ACVR1: variants seen among roughly 807,000 people sequenced by gnomAD.
The protein encoded by ACVR1 is activin receptor type-1.
A neutral mutation model predicts 57.1 loss-of-function variants in ACVR1; 38 were observed. That is an observed-to-expected ratio of 0.67 (90% CI 0.51 to 0.87). The LOEUF (loss-of-function observed/expected upper bound fraction) is 0.87, where lower values mean the gene tolerates loss of function less well. ACVR1 is among the 40% of genes least tolerant of loss of function. The probability of loss-of-function intolerance (pLI) is 0.00; values close to 1 mark genes in which losing one functional copy is unlikely to be tolerated. For missense variants in ACVR1, 463 were observed against 638.2 expected (o/e 0.73, Z 2.96); for synonymous variants, 212 against 228.1 (o/e 0.93, Z 0.63).
intron 2 of ACVR1, among the ~76,000 whole-genome samples, chr2:157,804,707 A>G (rs1687455049): frequency 6.6e-6 from 1 of 152,200 alleles, no homozygotes; most frequent in Admixed American, 6.5e-5. Context: ...CTCCTGCCTT[A>G]ACTAAGGTAC....
chr2:157,772,718 A>C (rs932828153), intron 6 of ACVR1, among the ~76,000 whole-genome samples: 2 of 152,240 alleles, frequency 1.3e-5, no homozygotes, highest in Non-Finnish European at 2.9e-5. Context: ...GTTCATAATC[A>C]AATAAGATAC....
Position 157,736,785 on chromosome 2 carries a change from TA to T in ACVR1, c.*745del, listed in dbSNP as rs1236939230. 1 of 345,702 alleles carries T rather than the reference TA, an allele frequency of 2.9e-6. No individual in the cohort carries two copies. The highest frequency in any genetic ancestry group is 5.3e-6 in the Non-Finnish European group (1 of 188,622). 21.4% of individuals were successfully genotyped at this position (345,702 alleles called of 1,614,324 possible). On this transcript the variant is annotated 3_prime_UTR_variant, in exon 11 of 11. Coordinates refer to ENST00000434821, the MANE Select transcript of ACVR1 (RefSeq NM_001111067.4). Reference sequence around the variant, plus strand: ...AAATGTCCATTTTAGAGTATAGTGTTAAAAACATTTCTGTAATAAAATCATA... The same window carrying T: ...AAATGTCCATTTTAGAGTATAGTGTTAAAACATTTCTGTAATAAAATCATA...
At chr2:157,794,327 T>C (rs1003427346) in intron 3 of ACVR1, among the ~76,000 whole-genome samples, 2 of 152,176 alleles carry the variant, frequency 1.3e-5, no homozygotes, top group African/African-American at 4.8e-5. Flanking sequence ...GCTAGAGTTG[T>C]ATATATAATG....
chr2:157,855,054 T>C (rs1439544211), intron 1 of ACVR1, among the ~76,000 whole-genome samples: 1 of 151,644 alleles, frequency 6.6e-6, no homozygotes, highest in Non-Finnish European at 1.5e-5. Context: ...AAAATAAGTA[T>C]ATAAGACAAA....
chr2:157,828,272 A>G (rs1193248754), intron 1 of ACVR1, among the ~76,000 whole-genome samples: 2 of 151,812 alleles, frequency 1.3e-5, no homozygotes, highest in Non-Finnish European at 2.9e-5. Context: ...ACATGGTGAA[A>G]CCCCGTCTCT....
In ACVR1 at chr2:157,737,675, G is replaced by C. The variant is rs747880953; in HGVS notation, c.1396-10C>G. On this transcript the variant is annotated splice_polypyrimidine_tract_variant and intron_variant, in intron 10 of 10. Transcript: ENST00000434821. ...CCAGAGAGGTTAATGTCTGAGGAGA[G>C]AAAGAACAAACACCACAATGACAAA... 3 of 1,614,074 alleles carry C rather than the reference G, an allele frequency of 1.9e-6. No individual in the cohort carries two copies. The highest frequency in any genetic ancestry group is 2.5e-6 in the Non-Finnish European group (3 of 1,179,944).
rs749279563 is a variant in ACVR1, at chr2:157,770,469, T to C, written c.689A>G (p.Glu230Gly). The change falls in exon 7 of 11, where the codon GAG (glutamate) becomes GGG (glycine). Residue 230 changes from glutamate (E) to glycine (G), a missense_variant. By Grantham distance (98) the Glu-to-Gly change is moderately conservative (BLOSUM62 -2). Transcript: ENST00000434821. ...GEVWRGSWQGENVAVKIFSSR... is the reference protein window; with the variant it reads ...GEVWRGSWQGGNVAVKIFSSR... ...GGAGAAGATCTTCACGGCAACATTC[T>C]CCCCTTGCCAGCTGCCCCTCCACAC... 4 of 1,614,034 alleles carry C rather than the reference T, an allele frequency of 2.5e-6. No homozygotes were observed. The highest frequency in any genetic ancestry group is 1.1e-5 in the South Asian group (1 of 91,064).
intron 1 of ACVR1, among the ~76,000 whole-genome samples, chr2:157,825,865 C>T (rs1411528041): frequency 6.6e-6 from 1 of 152,176 alleles, no homozygotes; most frequent in East Asian, 1.9e-4. Flanking sequence ...GAAATGGCCA[C>T]TTCTTCCATT....
chr2:157,835,954 A>G (rs1295772947), intron 1 of ACVR1, among the ~76,000 whole-genome samples: 1 of 152,242 alleles, frequency 6.6e-6, no homozygotes, highest in Non-Finnish European at 1.5e-5. Context: ...ACAAGCATCT[A>G]TCAAGAATAC....
intron 3 of ACVR1, among the ~76,000 whole-genome samples, chr2:157,789,709 G>C (rs1686837843): frequency 6.6e-6 from 1 of 152,214 alleles, no homozygotes; most frequent in African/African-American, 2.4e-5. Context: ...TCTATTCTGT[G>C]ATTGTACTTG....
chr2:157,860,190 T>C (rs1482779410), intron 1 of ACVR1: 1 of 151,996 alleles, frequency 6.6e-6, no homozygotes, highest in African/African-American at 2.4e-5. Flanking sequence ...CTAAAGAAAA[T>C]AAAGCAAATA....
Position 157,780,336 on chromosome 2 carries a change from C to T in ACVR1, c.331+1G>A, listed in dbSNP as rs1254780688. ...CTAGAAATAGAAAAGTCCATGGGAA[C>T]CTTTAGTGGGCAGCTGGGCCGTGAT... On this transcript the variant is annotated splice_donor_variant, in intron 4 of 10. Transcript: ENST00000434821. LOFTEE classifies it high-confidence loss of function. The T allele has an allele frequency of 6.2e-7, 1 of 1,614,160 alleles. No homozygotes were observed. The highest frequency in any genetic ancestry group is 8.5e-7 in the Non-Finnish European group (1 of 1,180,018).
chr2:157,870,096 C>T (rs1455714512), intron 1 of ACVR1, among the ~76,000 whole-genome samples: 2 of 152,200 alleles, frequency 1.3e-5, no homozygotes, highest in South Asian at 4.1e-4. Context: ...TAAAACATCA[C>T]TCAACCCATC....
chr2:157,843,451 C>T (rs367964019), intron 1 of ACVR1, among the ~76,000 whole-genome samples: 43 of 151,860 alleles, frequency 2.8e-4, no homozygotes, highest in African/African-American at 1.0e-3. Context: ...TATTACCACA[C>T]TTAATCCTCC....
intron 7 of ACVR1, among the ~76,000 whole-genome samples, chr2:157,769,397 G>A (rs1038888887): frequency 6.6e-6 from 1 of 152,124 alleles, no homozygotes; most frequent in Non-Finnish European, 1.5e-5. Context: ...GAGGTGAGGA[G>A]GATTAAGTGA....
chr2:157,737,730 C>T (rs1684590053), intron 10 of ACVR1, 65 bp from the exon 11 acceptor site: 2 of 1,598,822 alleles, frequency 1.3e-6, no homozygotes, highest in Non-Finnish European at 1.7e-6. Flanking sequence ...GGAAGCTGGG[C>T]TGATATCATG....
chr2:157,767,698 G>A (rs1389568644), intron 7 of ACVR1, among the ~76,000 whole-genome samples: 1 of 152,054 alleles, frequency 6.6e-6, no homozygotes, highest in Admixed American at 6.5e-5. Context: ...CAACAAGCTG[G>A]TAAGAAAGAC....
At chr2:157,788,646 C>T (rs1574066546) in intron 3 of ACVR1, among the ~76,000 whole-genome samples, 3 of 152,030 alleles carry the variant, frequency 2.0e-5, no homozygotes, top group Non-Finnish European at 4.4e-5. Flanking sequence ...AAACTTTATC[C>T]TAGACATAGG....
At chr2:157,846,896 T>C (rs1559091421) in intron 1 of ACVR1, among the ~76,000 whole-genome samples, 2 of 152,154 alleles carry the variant, frequency 1.3e-5, no homozygotes, top group African/African-American at 2.4e-5. Flanking sequence ...AGAGAAAACA[T>C]AACATGTGCT....
Sources: allele counts gnomAD v4.1 joint callset (sites outside exome capture counted in the v4.1 genomes callset), GRCh38; gene constraint gnomAD v4.1.1; transcripts MANE v1.5; gene names NCBI Gene and HGNC (gene_info 2026-07-23, HGNC 2026-07-21).